PCDH11X: variants seen among roughly 807,000 people sequenced by gnomAD.
PCDH11X encodes protocadherin-11 X-linked.
PCDH11X carries 18 observed loss-of-function variants against 53.3 expected under a neutral mutation model. That is an observed-to-expected ratio of 0.34 (90% CI 0.23 to 0.50). The LOEUF is 0.50. PCDH11X is among the 20% of genes least tolerant of loss of function. The pLI is 0.98. For missense variants in PCDH11X, 570 were observed against 1,032.4 expected (o/e 0.55, Z 6.14); for synonymous variants, 279 against 393.3 (o/e 0.71, Z 3.44).
chrX:92,555,411 A>G (rs963647783), intron 10 of PCDH11X, among the ~76,000 whole-genome samples: 1 of 111,957 alleles, frequency 8.9e-6, no homozygotes, highest in African/African-American at 3.2e-5. Context: ...TTATTTTTCA[A>G]CTTCTCAAAG....
intron 7 of PCDH11X, among the ~76,000 whole-genome samples, chrX:92,245,649 G>T (rs1428225582): frequency 9.0e-6 from 1 of 111,716 alleles, no homozygotes; most frequent in Non-Finnish European, 1.9e-5. Flanking sequence ...GGTTAGAAAT[G>T]GTGTAGGAGA....
Position 91,844,976 on chromosome X carries a change from A to G in PCDH11X, c.540+8932A>G, listed in dbSNP as rs191926514. Among the ~76,000 whole-genome samples the G allele has an allele frequency of 1.1e-4, 12 of 111,465 alleles. No individual in the cohort carries two copies. In the East Asian group the frequency reaches 2.0e-3, roughly 18 times the overall value. ...ACTGCCTCTACGGTCTGGATGCATG[A>G]ATTCTAGAGAAACAATTTAATGGAC... is the stretch of plus-strand genomic sequence containing the variant. On this transcript the variant is annotated intron_variant, in intron 5 of 10. Transcript: ENST00000682573.
intron 4 of PCDH11X, among the ~76,000 whole-genome samples, chrX:91,828,210 C>T (rs1936984987): frequency 9.4e-6 from 1 of 106,400 alleles, no homozygotes; most frequent in South Asian, 4.3e-4. Flanking sequence ...AGCTCCGCCT[C>T]CCGGGTTCAC....
chrX:92,437,911 G>A (rs145633349), intron 9 of PCDH11X, among the ~76,000 whole-genome samples: 2,867 of 111,418 alleles, frequency 0.026, 63 homozygotes, highest in African/African-American at 0.072. Flanking sequence ...ACAGATGACA[G>A]CATGATTTAA....
intron 10 of PCDH11X, among the ~76,000 whole-genome samples, chrX:92,509,166 G>T (rs2074119061): frequency 9.4e-6 from 1 of 106,006 alleles, no homozygotes; most frequent in South Asian, 4.4e-4. Flanking sequence ...AAGTTAAGCT[G>T]CTCTGTCACA....
chrX:92,611,343 T>C (rs1451640456), intron 10 of PCDH11X, among the ~76,000 whole-genome samples: 1 of 102,156 alleles, frequency 9.8e-6, no homozygotes, highest in African/African-American at 3.5e-5. Flanking sequence ...TATTCCTAGC[T>C]TTTTTTTTTT....
At position 92,158,208 on chromosome X, in the gene PCDH11X, C is replaced by T. The variant is rs1238487271; in HGVS notation, c.3034-43167C>T. ...TCCAGCCTGGGCAACAAGAGCAAGA[C>T]TCTTTCTAAAAACAAAACAAAACAA... On this transcript the variant is annotated intron_variant, in intron 6 of 10. Coordinates refer to ENST00000682573, the MANE Select transcript of PCDH11X (RefSeq NM_032968.5). 4.6e-5 allele frequency among the ~76,000 whole-genome samples: 5 copies of T among 109,366 alleles called. No homozygotes were observed. The East Asian group carries it at 1.4e-3, about 31-fold the overall frequency. 95.0% of individuals were successfully genotyped at this position (109,366 alleles called of 115,157 possible).
chrX:92,392,876 G>A (rs1452002936), intron 9 of PCDH11X, among the ~76,000 whole-genome samples: 2 of 107,359 alleles, frequency 1.9e-5, no homozygotes, highest in East Asian at 5.8e-4. Flanking sequence ...AATTCAAGGA[G>A]AAAATATGAT....
intron 8 of PCDH11X, among the ~76,000 whole-genome samples, chrX:92,318,920 G>C (rs2148490574): frequency 9.0e-6 from 1 of 111,673 alleles, no homozygotes; most frequent in South Asian, 3.8e-4. Context: ...ATTATAACAT[G>C]AAAAAGTCTT....
At chrX:91,780,103 G>T (rs1294953928) in intron 1 of PCDH11X, among the ~76,000 whole-genome samples, 2 of 111,804 alleles carry the variant, frequency 1.8e-5, no homozygotes, top group South Asian at 3.7e-4. Flanking sequence ...TCCCAGACTC[G>T]CCCGGCTGAG....
chrX:92,221,013 C>T (rs1352286599), intron 7 of PCDH11X, among the ~76,000 whole-genome samples: 1 of 83,087 alleles, frequency 1.2e-5, no homozygotes, highest in Admixed American at 1.6e-4. Context: ...AACACATGGA[C>T]ACAGGAAGGG....
chrX:91,904,660 G>A (rs1941083951), intron 6 of PCDH11X, among the ~76,000 whole-genome samples: 1 of 110,723 alleles, frequency 9.0e-6, no homozygotes, highest in African/African-American at 3.3e-5. Context: ...TCTTTTTTCT[G>A]TGTGCTCATT....
intron 10 of PCDH11X, among the ~76,000 whole-genome samples, chrX:92,478,197 A>T (rs2073429806): frequency 9.0e-6 from 1 of 111,405 alleles, no homozygotes; most frequent in Non-Finnish European, 1.9e-5. Context: ...CTACCCAGCC[A>T]TGTGGAACTG....
intron 6 of PCDH11X, among the ~76,000 whole-genome samples, chrX:92,142,363 C>T (rs1029965272): frequency 1.5e-4 from 10 of 66,598 alleles, no homozygotes; most frequent in East Asian, 7.8e-4. Context: ...CATGCATGTG[C>T]GCGCGCGCAC....
chrX:92,525,631 CAAAAAAAAAA>C (rs60062573), intron 10 of PCDH11X, among the ~76,000 whole-genome samples: 1 of 49,100 alleles, frequency 2.0e-5, no homozygotes, highest in African/African-American at 7.3e-5. Context: ...AACTCTTTCT[CAAAAAAAAAA>C]AAAAAAAAAA....
chrX:92,448,950 T>C (rs1461557419), intron 9 of PCDH11X, among the ~76,000 whole-genome samples: 1 of 112,163 alleles, frequency 8.9e-6, no homozygotes, highest in African/African-American at 3.3e-5. Flanking sequence ...AGCTCTGTTC[T>C]TTTGCAGATT....
At chrX:92,368,958 A>T (rs1020059074) in intron 8 of PCDH11X, among the ~76,000 whole-genome samples, 2 of 104,996 alleles carry the variant, frequency 1.9e-5, no homozygotes, top group African/African-American at 7.0e-5. Context: ...GGTCTCTCCC[A>T]GTCAGGAGGC....
intron 6 of PCDH11X, among the ~76,000 whole-genome samples, chrX:92,082,709 T>G (rs1204677182): frequency 9.0e-6 from 1 of 110,935 alleles, no homozygotes; most frequent in Non-Finnish European, 1.9e-5. Flanking sequence ...TTTGGAACAG[T>G]ATAGCAAATT....
intron 7 of PCDH11X, among the ~76,000 whole-genome samples, chrX:92,232,963 C>T (rs1313107003): frequency 1.8e-5 from 2 of 111,737 alleles, no homozygotes; most frequent in East Asian, 5.7e-4. Flanking sequence ...GATCCGCCCA[C>T]CGCGGCCTCC....
Sources: allele counts gnomAD v4.1 joint callset (sites outside exome capture counted in the v4.1 genomes callset), GRCh38; gene constraint gnomAD v4.1.1; transcripts MANE v1.5; gene names NCBI Gene and HGNC (gene_info 2026-07-23, HGNC 2026-07-21).